Variants in PCDH15 observed in about 807,000 individuals in gnomAD.
PCDH15 encodes the protein protocadherin-15.
A neutral mutation model predicts 178.5 loss-of-function variants in PCDH15; 129 were observed. That is an observed-to-expected ratio of 0.72 (90% CI 0.63 to 0.84). PCDH15 has a LOEUF of 0.84. PCDH15 is among the 40% of genes least tolerant of loss of function. PCDH15 has a pLI of 0.00. For synonymous variants in PCDH15, 800 were observed against 732.0 expected, an observed-to-expected ratio of 1.09 and a Z score of -1.50; for missense variants, 2,230 against 2,099.9, an observed-to-expected ratio of 1.06 and a Z score of -1.21.
At chr10:53,824,820 G>T (rs561251080) in intron 32 of PCDH15, among the ~76,000 whole-genome samples, 2 of 151,726 alleles carry the variant, frequency 1.3e-5, no homozygotes, top group Middle Eastern at 3.4e-3. Flanking sequence ...CTATAAATAG[G>T]TTTCTATTTA....
At chr10:54,168,120 T>A (rs1476756439) in intron 13 of PCDH15, among the ~76,000 whole-genome samples, 52 of 147,158 alleles carry the variant, frequency 3.5e-4, no homozygotes, top group African/African-American at 9.5e-4. Context: ...CTTATTTTCT[T>A]CTGCAATGCC....
At chr10:54,616,262 T>C (rs2093148710) in intron 2 of PCDH15, among the ~76,000 whole-genome samples, 1 of 152,072 alleles carries the variant, frequency 6.6e-6, no homozygotes, top group South Asian at 2.1e-4. Flanking sequence ...GCAAAAACTA[T>C]AGAAAATTGG....
Position 55,067,188 on chromosome 10 carries a change from C to G in PCDH15, c.-80+99388G>C, listed in dbSNP as rs565634091. On this transcript the variant is annotated intron_variant, in intron 2 of 5. Transcript: ENST00000458638. ...TGCTATCAAACATTGTAACTTATTTCTTCTATCTAACTGTATGACTGTACT... is the reference window on the plus strand; with the variant it reads ...TGCTATCAAACATTGTAACTTATTTGTTCTATCTAACTGTATGACTGTACT... Among the ~76,000 whole-genome samples, 5 of 152,028 alleles carry G rather than the reference C, an allele frequency of 3.3e-5. No individual in the cohort carries two copies. In the South Asian group the frequency reaches 1.0e-3, roughly 32 times the overall value.
chr10:55,399,520 A>G (rs949703362), intron 2 of PCDH15, among the ~76,000 whole-genome samples: 12 of 152,240 alleles, frequency 7.9e-5, no homozygotes, highest in African/African-American at 2.9e-4. Flanking sequence ...GGCACTAAGC[A>G]CTCTCCACAT....
chr10:54,161,557 G>A (rs1406963248), intron 13 of PCDH15, among the ~76,000 whole-genome samples: 2 of 150,844 alleles, frequency 1.3e-5, no homozygotes, highest in East Asian at 2.2e-4. Context: ...GATGTTTACT[G>A]GTCTTTGAAT....
At chr10:55,393,428 T>C (rs914153525) in intron 2 of PCDH15, among the ~76,000 whole-genome samples, 1 of 152,192 alleles carries the variant, frequency 6.6e-6, no homozygotes, top group African/African-American at 2.4e-5. Context: ...TTTGTTATTT[T>C]TGTTTTATGA....
At chr10:53,888,297 T>TATATATAC (rs1564690472) in intron 26 of PCDH15, among the ~76,000 whole-genome samples, 2 of 73,612 alleles carry the variant, frequency 2.7e-5, no homozygotes, top group Admixed American at 2.0e-4. Flanking sequence ...TATACATATA[T>TATATATAC]ATATATATAT....
At chr10:54,148,564 G>A (rs975189183) in intron 14 of PCDH15, among the ~76,000 whole-genome samples, 1 of 151,954 alleles carries the variant, frequency 6.6e-6, no homozygotes, top group South Asian at 2.1e-4. Flanking sequence ...TGAATCTACT[G>A]ATGTGGAAGC....
At chr10:54,010,300 G>A (rs965971090) in intron 20 of PCDH15, among the ~76,000 whole-genome samples, 21 of 151,888 alleles carry the variant, frequency 1.4e-4, no homozygotes, top group Admixed American at 2.6e-4. Flanking sequence ...ACTTCTCACC[G>A]GGCAGGGCTT....
chr10:55,117,260 C>A (rs1837650188), intron 2 of PCDH15, among the ~76,000 whole-genome samples: 1 of 152,182 alleles, frequency 6.6e-6, no homozygotes, highest in South Asian at 2.1e-4. Flanking sequence ...AATATGAAAT[C>A]ATAATTGTTC....
rs2078806601 is a variant in PCDH15 at position 53,857,188 on chromosome 10, CTA to C, written c.3791_3792del (p.Ile1264ArgfsTer43). The C allele has an allele frequency of 6.3e-6, 10 of 1,598,946 alleles. No individual in the cohort carries two copies. Among genetic ancestry groups the C allele is most frequent in the Non-Finnish European group, 8.6e-6 (10 of 1,166,866 alleles). On this transcript the variant is annotated frameshift_variant, in exon 28 of 38. Coordinates refer to ENST00000644397, the MANE Select transcript of PCDH15 (RefSeq NM_001384140.1). LOFTEE classifies it high-confidence loss of function. Reference protein sequence around the residue: ...NVPPTLVEKKIEDLTEILDRY... With the variant: ...NVPPTLVEKKXEDLTEILDRY... ...AAAATCAATTACTCTGTAAGATCTT[CTA>C]TCTTTTTTTCCACTAGAGTAGGAGG... is the stretch of plus-strand genomic sequence containing the variant.
chr10:54,219,765 CACTG>C (rs1023076516), intron 9 of PCDH15, among the ~76,000 whole-genome samples: 52 of 151,712 alleles, frequency 3.4e-4, no homozygotes, highest in African/African-American at 8.7e-4. Flanking sequence ...TGAAAATAAA[CACTG>C]ACTGATATTT....
intron 8 of PCDH15, among the ~76,000 whole-genome samples, chr10:54,313,137 T>G (rs191784404): frequency 1.6e-3 from 251 of 152,226 alleles, no homozygotes; most frequent in African/African-American, 5.9e-3. Flanking sequence ...AAAATATTTA[T>G]TGATCTTCAG....
At chr10:53,874,377 G>A (rs1395372273) in intron 26 of PCDH15, among the ~76,000 whole-genome samples, 1 of 152,200 alleles carries the variant, frequency 6.6e-6, no homozygotes, top group Non-Finnish European at 1.5e-5. Flanking sequence ...ATTGAGGGGA[G>A]TGAAGAGAAA....
At chr10:54,428,438 C>T (rs1349662040) in intron 3 of PCDH15, among the ~76,000 whole-genome samples, 2 of 152,188 alleles carry the variant, frequency 1.3e-5, no homozygotes, top group East Asian at 1.9e-4. Context: ...ATAAACTACA[C>T]ATTATTCATG....
intron 2 of PCDH15, among the ~76,000 whole-genome samples, chr10:55,540,478 A>T (rs1009983206): frequency 6.6e-6 from 1 of 152,054 alleles, no homozygotes; most frequent in African/African-American, 2.4e-5. Flanking sequence ...GTGTTTTCCT[A>T]TTGCATAAAA....
chr10:55,179,040 G>A (rs1839569512), intron 1 of PCDH15, among the ~76,000 whole-genome samples: 1 of 151,956 alleles, frequency 6.6e-6, no homozygotes, highest in African/African-American at 2.4e-5. Context: ...GCTCCTTTTT[G>A]TATAATACTC....
chr10:55,455,529 A>T (rs1839531342), intron 2 of PCDH15, among the ~76,000 whole-genome samples: 1 of 152,144 alleles, frequency 6.6e-6, no homozygotes, highest in Non-Finnish European at 1.5e-5. Flanking sequence ...ATATTTAAAA[A>T]TCATTATCAG....
At chr10:55,459,146 T>G (rs1342333583) in intron 2 of PCDH15, among the ~76,000 whole-genome samples, 1 of 149,426 alleles carries the variant, frequency 6.7e-6, no homozygotes, top group Non-Finnish European at 1.5e-5. Flanking sequence ...GACAACAGTG[T>G]TCAGGAAAGA....
Sources: gnomAD v4.1 joint callset for allele counts (sites outside exome capture counted in the v4.1 genomes callset) on GRCh38, gnomAD v4.1.1 for gene constraint, MANE v1.5 for transcripts, NCBI Gene and HGNC (gene_info 2026-07-23, HGNC 2026-07-21) for gene names.